The following UHRF2 variants were observed in gnomAD, a reference collection of about 807,000 sequenced individuals.
UHRF2 encodes ubiquitin like with PHD and ring finger domains 2, also known as E3 ubiquitin-protein ligase UHRF2.
UHRF2 carries 23 observed loss-of-function variants against 96.8 expected under a neutral mutation model. That is an observed-to-expected ratio of 0.24 (90% CI 0.17 to 0.34). UHRF2 has a LOEUF of 0.34. UHRF2 is among the 10% of genes least tolerant of loss of function. UHRF2 has a pLI of 1.00. For synonymous variants in UHRF2, 385 were observed against 332.6 expected (o/e 1.16, Z -1.72); for missense variants, 685 against 981.5 (o/e 0.70, Z 4.04).
At chr9:6,470,254 C>G (rs1823163714) in intron 4 of UHRF2, among the ~76,000 whole-genome samples, 2 of 151,806 alleles carry the variant, frequency 1.3e-5, no homozygotes, top group African/African-American at 4.8e-5. Context: ...ACACCTGTAA[C>G]CCCAGCTATT....
At chr9:6,463,556 C>T (rs1030357818) in intron 4 of UHRF2, among the ~76,000 whole-genome samples, 3 of 151,778 alleles carry the variant, frequency 2.0e-5, no homozygotes, top group Non-Finnish European at 2.9e-5. Flanking sequence ...CTGCAACCTC[C>T]GCCTCCTGGA....
intron 3 of UHRF2, among the ~76,000 whole-genome samples, chr9:6,439,473 C>G (rs1345752049): frequency 6.6e-6 from 1 of 152,160 alleles, no homozygotes; most frequent in South Asian, 2.1e-4. Flanking sequence ...TGTGAATATT[C>G]GATTGTCAGC....
chr9:6,431,445 A>G (rs1419224740), intron 2 of UHRF2, among the ~76,000 whole-genome samples: 3 of 152,184 alleles, frequency 2.0e-5, no homozygotes, highest in Non-Finnish European at 4.4e-5. Flanking sequence ...TGTCTCTACA[A>G]GAAGTAACAT....
At chr9:6,469,915 G>C (rs1467717007) in intron 4 of UHRF2, among the ~76,000 whole-genome samples, 1 of 151,948 alleles carries the variant, frequency 6.6e-6, no homozygotes, top group East Asian at 1.9e-4. Flanking sequence ...GGTCAAAGAA[G>C]TTCTGTAAAT....
At chr9:6,452,280 T>C (rs1821920267) in intron 3 of UHRF2, among the ~76,000 whole-genome samples, 1 of 152,218 alleles carries the variant, frequency 6.6e-6, no homozygotes, top group South Asian at 2.1e-4. Flanking sequence ...CATCAGGATT[T>C]TATTTATGTC....
At chr9:6,443,686 A>C (rs1821323449) in intron 3 of UHRF2, among the ~76,000 whole-genome samples, 1 of 152,224 alleles carries the variant, frequency 6.6e-6, no homozygotes, top group African/African-American at 2.4e-5. Flanking sequence ...CATACTTTTT[A>C]GTATTAAAAG....
chr9:6,475,035 A>G (rs1711968690), intron 4 of UHRF2, among the ~76,000 whole-genome samples: 1 of 152,176 alleles, frequency 6.6e-6, no homozygotes, highest in African/African-American at 2.4e-5. Context: ...AACATACCTT[A>G]TTTCTTGATA....
At chr9:6,477,887 T>A in intron 6 of UHRF2, 79 bp downstream of exon 6, 1 of 1,285,534 alleles carries the variant, frequency 7.8e-7, no homozygotes, top group Non-Finnish European at 1.1e-6. Context: ...AAAAGTAGAT[T>A]TCTAAAGATA....
chr9:6,494,051 T>C, intron 10 of UHRF2, 119 bp downstream of exon 10: 1 of 836,802 alleles, frequency 1.2e-6, no homozygotes, highest in Non-Finnish European at 1.8e-6. Flanking sequence ...GATCTGAAAT[T>C]AAAATTCCAG....
intron 1 of UHRF2, among the ~76,000 whole-genome samples, chr9:6,420,096 G>T (rs1432026380): frequency 6.7e-6 from 1 of 150,338 alleles, no homozygotes; most frequent in African/African-American, 2.5e-5. Context: ...TCCCTCTGTT[G>T]CCCAGGTTGG....
chr9:6,463,174 G>A (rs766409683), intron 4 of UHRF2, among the ~76,000 whole-genome samples: 3 of 151,890 alleles, frequency 2.0e-5, no homozygotes, highest in Admixed American at 1.3e-4. Flanking sequence ...CCAGCTACTC[G>A]AAAGGCTGAG....
At chr9:6,449,194 C>T (rs1003143131) in intron 3 of UHRF2, 2 of 152,194 alleles carry the variant, frequency 1.3e-5, no homozygotes, top group Non-Finnish European at 2.9e-5. Context: ...AGCTGATCGT[C>T]TTCAACTACA....
intron 8 of UHRF2, 148 bp from the exon 9 acceptor site, chr9:6,486,673 A>T (rs190665914): frequency 9.0e-6 from 6 of 669,374 alleles, no homozygotes; most frequent in Non-Finnish European, 1.5e-5. Flanking sequence ...TTTAGGTACC[A>T]GGAGATTTAA....
chr9:6,481,368 G>C (rs867382433), intron 6 of UHRF2, among the ~76,000 whole-genome samples: 3 of 152,142 alleles, frequency 2.0e-5, no homozygotes, highest in Admixed American at 6.5e-5. Context: ...GATAAGTTTA[G>C]AGTTCATGGT....
chr9:6,413,881 C>T (rs1033130206), intron 1 of UHRF2: 2 of 416,966 alleles, frequency 4.8e-6, no homozygotes, highest in Non-Finnish European at 4.1e-6. Flanking sequence ...TGAGGGCGTC[C>T]GGAGCGCAAA....
At chr9:6,488,585 TCG>T (rs1473260718) in intron 9 of UHRF2, among the ~76,000 whole-genome samples, 1 of 142,624 alleles carries the variant, frequency 7.0e-6, no homozygotes, top group East Asian at 2.1e-4. Context: ...CTTGCCCTTG[TCG>T]CCCAGCTTGG....
chr9:6,454,981 ATGC>A (rs1315070149), intron 3 of UHRF2, among the ~76,000 whole-genome samples: 2 of 152,146 alleles, frequency 1.3e-5, no homozygotes, highest in East Asian at 3.8e-4. Flanking sequence ...GATGATGTTG[ATGC>A]TGCTGATCTT....
chr9:6,457,429 A>G (rs1822249356), intron 3 of UHRF2, among the ~76,000 whole-genome samples: 2 of 152,270 alleles, frequency 1.3e-5, no homozygotes, highest in Non-Finnish European at 2.9e-5. Context: ...GGTTTTCTAA[A>G]TATACAATCA....
At chr9:6,495,675 CAGAT>C (rs1039401349) in intron 10 of UHRF2, 1 of 152,146 alleles carries the variant, frequency 6.6e-6, no homozygotes, top group Non-Finnish European at 1.5e-5. Context: ...GGCTGAGTGG[CAGAT>C]AGATTAATGG....
Sources: gnomAD v4.1 joint callset for allele counts (sites outside exome capture counted in the v4.1 genomes callset) on GRCh38, gnomAD v4.1.1 for gene constraint, MANE v1.5 for transcripts, NCBI Gene and HGNC (gene_info 2026-07-23, HGNC 2026-07-21) for gene names.